The following TLN2 variants were observed in gnomAD, a reference collection of about 807,000 sequenced individuals.
TLN2 encodes talin-2.
TLN2 carries 118 observed loss-of-function variants against 294.7 expected under a neutral mutation model. That is an observed-to-expected ratio of 0.40 (90% CI 0.34 to 0.47). TLN2 has a LOEUF of 0.47. Among genes scored for constraint, TLN2 ranks in the 20% least tolerant of loss-of-function variants. TLN2 has a pLI of 0.84. For missense variants in TLN2, 3,083 were observed against 3,282.2 expected, an observed-to-expected ratio of 0.94 and a Z score of 1.48; for synonymous variants, 1,431 against 1,304.5, an observed-to-expected ratio of 1.10 and a Z score of -2.09.
chr15:62,712,160 T>A, intron 22 of TLN2, 83 bp downstream of exon 22: 1 of 1,518,330 alleles, frequency 6.6e-7, no homozygotes. Flanking sequence ...TGGGGCATGG[T>A]CATCCGAGTG....
At chr15:62,497,649 A>G (rs1242422087) in intron 1 of TLN2, among the ~76,000 whole-genome samples, 1 of 152,206 alleles carries the variant, frequency 6.6e-6, no homozygotes, top group Non-Finnish European at 1.5e-5. Context: ...CAGTGATAGC[A>G]AAGGCCTAGT....
chr15:62,483,973 G>A (rs913491595), intron 1 of TLN2, among the ~76,000 whole-genome samples: 1 of 152,164 alleles, frequency 6.6e-6, no homozygotes. Context: ...GAAAGTGGTG[G>A]GGTGGAAGTA....
chr15:62,614,319 G>T (rs1476954369), intron 2 of TLN2, among the ~76,000 whole-genome samples: 2 of 152,162 alleles, frequency 1.3e-5, no homozygotes, highest in Non-Finnish European at 2.9e-5. Flanking sequence ...ATGTCCAAGA[G>T]AATTTGAATT....
chr15:62,576,180 C>G (rs761152684), intron 1 of TLN2, among the ~76,000 whole-genome samples: 9 of 151,754 alleles, frequency 5.9e-5, no homozygotes, highest in Non-Finnish European at 1.3e-4. Flanking sequence ...AAAACGAAGT[C>G]TGAGTTAATT....
chr15:62,769,693 A>G (rs1054928719), intron 41 of TLN2, among the ~76,000 whole-genome samples: 4 of 151,888 alleles, frequency 2.6e-5, no homozygotes, highest in African/African-American at 9.7e-5. Flanking sequence ...TGGCCCAGTG[A>G]CTGCTCATGT....
chr15:62,466,906 A>C (rs1454449770), intron 1 of TLN2, among the ~76,000 whole-genome samples: 2 of 152,228 alleles, frequency 1.3e-5, no homozygotes, highest in African/African-American at 4.8e-5. Flanking sequence ...AATGGGGACA[A>C]ACTGCCCAGT....
intron 1 of TLN2, among the ~76,000 whole-genome samples, chr15:62,451,829 C>A (rs562425162): frequency 6.6e-6 from 1 of 152,272 alleles, no homozygotes; most frequent in South Asian, 2.1e-4. Flanking sequence ...TTTGATGGTA[C>A]ATATCAAGCC....
intron 1 of TLN2, among the ~76,000 whole-genome samples, chr15:62,459,975 C>G (rs11637267): frequency 0.018 from 2,727 of 152,092 alleles, 43 homozygotes; most frequent in Non-Finnish European, 0.026. Flanking sequence ...CAGCGGGTGA[C>G]CCACGATTGT....
At chr15:62,478,439 T>C (rs1400287127) in intron 1 of TLN2, among the ~76,000 whole-genome samples, 1 of 152,074 alleles carries the variant, frequency 6.6e-6, no homozygotes, top group African/African-American at 2.4e-5. Context: ...TCTATAGCAC[T>C]GTGGCTCCTT....
At chr15:62,633,078 A>G (rs1020484783) in intron 3 of TLN2, among the ~76,000 whole-genome samples, 1 of 152,194 alleles carries the variant, frequency 6.6e-6, no homozygotes, top group Non-Finnish European at 1.5e-5. Flanking sequence ...AGCATCAATC[A>G]TATCCTATTC....
Position 62,797,203 on chromosome 15 carries a change from C to A in TLN2, c.6051-16C>A. The A allele has an allele frequency of 6.2e-7, 1 of 1,614,058 alleles. No individual in the cohort carries two copies. The highest frequency in any genetic ancestry group is 8.5e-7 in the Non-Finnish European group (1 of 1,180,016). On this transcript the variant is annotated splice_polypyrimidine_tract_variant and intron_variant, in intron 47 of 58. Coordinates refer to ENST00000636159, the MANE Select transcript of TLN2 (RefSeq NM_015059.3). ...TCTGTCTCTCCCCCTCTCCCCTGCC[C>A]TCCTGGCTCTCTCAGGGAGAACATT... is the stretch of plus-strand genomic sequence containing the variant.
rs764361637 is a variant in TLN2 at position 62,697,688 on chromosome 15, G to C, written c.1293G>C (p.Lys431Asn). The C allele has an allele frequency of 1.0e-5, 16 of 1,595,194 alleles. No homozygotes were observed. The highest frequency in any genetic ancestry group is 1.3e-5 in the African/African-American group (1 of 74,470). The change falls in exon 15 of 59, where the codon AAG becomes AAC. Residue 431 changes from lysine (K) to asparagine (N), a missense_variant and splice_region_variant. Coordinates refer to ENST00000636159, the MANE Select transcript of TLN2 (RefSeq NM_015059.3). ...GTGACCAAACCACTTTTCCCGGCAGGTCCACCATCTTGCAGCAGCAGTTCA... is the reference window on the plus strand; with the variant it reads ...GTGACCAAACCACTTTTCCCGGCAGCTCCACCATCTTGCAGCAGCAGTTCA... ...TMLEESVSPK[K>N]STILQQQFNR...
chr15:62,512,145 T>A (rs2039968364), intron 1 of TLN2, among the ~76,000 whole-genome samples: 2 of 152,190 alleles, frequency 1.3e-5, no homozygotes, highest in African/African-American at 4.8e-5. Context: ...ATACTTTGGA[T>A]GATGTTTTTT....
intron 1 of TLN2, among the ~76,000 whole-genome samples, chr15:62,572,730 T>G (rs2043993538): frequency 6.6e-6 from 1 of 152,250 alleles, no homozygotes; most frequent in Non-Finnish European, 1.5e-5. Context: ...CTGCCTTTCC[T>G]TGCTGTTGCC....
intron 1 of TLN2, among the ~76,000 whole-genome samples, chr15:62,407,404 A>G (rs1409857051): frequency 6.6e-6 from 1 of 152,200 alleles, no homozygotes; most frequent in African/African-American, 2.4e-5. Context: ...TTAAAAATAC[A>G]GATTTGGGAG....
chr15:62,430,328 G>T (rs2140287833), intron 1 of TLN2, among the ~76,000 whole-genome samples: 1 of 152,304 alleles, frequency 6.6e-6, no homozygotes, highest in East Asian at 1.9e-4. Flanking sequence ...GTCTTATTGG[G>T]CCAATCATGG....
chr15:62,594,341 A>G (rs2046312777), intron 2 of TLN2, among the ~76,000 whole-genome samples: 1 of 152,090 alleles, frequency 6.6e-6, no homozygotes, highest in Non-Finnish European at 1.5e-5. Flanking sequence ...CTGAGTAGCT[A>G]GTACTACAGG....
At chr15:62,493,632 A>G (rs1450784453) in intron 1 of TLN2, among the ~76,000 whole-genome samples, 1 of 142,628 alleles carries the variant, frequency 7.0e-6, no homozygotes. Context: ...TTTTTTTGAG[A>G]TGGAGTCTCA....
chr15:62,567,630 T>A (rs1251833213), intron 1 of TLN2, among the ~76,000 whole-genome samples: 1 of 147,484 alleles, frequency 6.8e-6, no homozygotes, highest in East Asian at 2.3e-4. Flanking sequence ...AGGGCAGGAG[T>A]TTGAGACCAG....
Sources: gnomAD v4.1 joint callset for allele counts (sites outside exome capture counted in the v4.1 genomes callset) on GRCh38, gnomAD v4.1.1 for gene constraint, MANE v1.5 for transcripts, NCBI Gene and HGNC (gene_info 2026-07-23, HGNC 2026-07-21) for gene names.